DCK: variants seen among roughly 807,000 people sequenced by gnomAD.
DCK encodes deoxyadenosine kinase.
In DCK, 23 loss-of-function variants were observed where a neutral mutation model predicts 38.3. The observed-to-expected ratio is 0.60, with a 90% CI of 0.43 to 0.85. The LOEUF (loss-of-function observed/expected upper bound fraction) is 0.85. Among genes scored for constraint, DCK ranks in the 40% least tolerant of loss-of-function variants. The pLI, the probability that DCK is intolerant of heterozygous loss-of-function variation, is 0.00. For missense variants in DCK, 259 were observed against 304.4 expected (o/e 0.85, Z 1.11); for synonymous variants, 108 against 100.6 (o/e 1.07, Z -0.44).
intron 6 of DCK, 86 bp downstream of exon 6, chr4:71,026,841 G>T (rs938926536): frequency 1.5e-4 from 100 of 674,512 alleles, no homozygotes; most frequent in Non-Finnish European, 2.0e-4. Context: ...TAACAGAAAA[G>T]CTTCCATAAA....
In DCK at chr4:71,020,232, C is replaced by G. The variant is rs377449218; in HGVS notation, c.208-2135C>G. On this transcript the variant is annotated intron_variant, in intron 2 of 6. Coordinates refer to ENST00000286648, the MANE Select transcript of DCK (RefSeq NM_000788.3). ...CTCTGGTAAAATTTAACATGTTTTT[C>G]AGTTCTCTGTATTTCCAGTAAATTT... 8.0e-4 allele frequency among the ~76,000 whole-genome samples: 122 copies of G among 152,184 alleles called. 2 individuals are homozygous for G. The highest frequency in any genetic ancestry group is 2.8e-3 in the African/African-American group (117 of 41,536).
intron 2 of DCK, among the ~76,000 whole-genome samples, chr4:71,002,221 G>A (rs977774583): frequency 8.5e-5 from 13 of 152,080 alleles, no homozygotes; most frequent in Non-Finnish European, 1.8e-4. Context: ...CCCTAATTTC[G>A]TTATTTACCC....
intron 5 of DCK, 37 bp downstream of exon 5, chr4:71,025,968 C>T: frequency 6.8e-7 from 1 of 1,474,076 alleles, no homozygotes; most frequent in Non-Finnish European, 9.0e-7. Flanking sequence ...ATTTTAAATA[C>T]CTTTGTTACC....
intron 2 of DCK, among the ~76,000 whole-genome samples, chr4:71,017,004 G>A (rs569300196): frequency 1.1e-3 from 171 of 152,236 alleles, no homozygotes; most frequent in African/African-American, 4.0e-3. Flanking sequence ...GCAACCTACA[G>A]AATGGGAGAA....
At chr4:71,000,948 C>A (rs913965288) in intron 2 of DCK, among the ~76,000 whole-genome samples, 8 of 152,098 alleles carry the variant, frequency 5.3e-5, no homozygotes, top group Non-Finnish European at 1.0e-4. Flanking sequence ...AATATACAGT[C>A]ATCATCTGCA....
At chr4:71,003,214 G>A (rs1260506141) in intron 2 of DCK, among the ~76,000 whole-genome samples, 1 of 152,104 alleles carries the variant, frequency 6.6e-6, no homozygotes, top group Non-Finnish European at 1.5e-5. Context: ...CTTCACTTAT[G>A]AAGCTTAGTT....
chr4:71,027,234 G>A (rs745414045), intron 6 of DCK, among the ~76,000 whole-genome samples: 1 of 152,012 alleles, frequency 6.6e-6, no homozygotes, highest in South Asian at 2.1e-4. Flanking sequence ...TACAGGATAT[G>A]GATCTCATCT....
chr4:70,994,079 A>C (rs1460547919), intron 1 of DCK, 153 bp downstream of exon 1: 2 of 662,390 alleles, frequency 3.0e-6, no homozygotes, highest in Non-Finnish European at 5.4e-6. Flanking sequence ...TCCCACCCAG[A>C]GCATCCTTCC....
At chr4:71,001,611 G>T (rs545512494) in intron 2 of DCK, among the ~76,000 whole-genome samples, 5 of 152,226 alleles carry the variant, frequency 3.3e-5, no homozygotes, top group Non-Finnish European at 7.4e-5. Flanking sequence ...GAATCCATCT[G>T]GTCCTGGGCT....
intron 6 of DCK, among the ~76,000 whole-genome samples, chr4:71,027,007 T>C (rs1302172750): frequency 4.6e-5 from 7 of 151,864 alleles, no homozygotes; most frequent in Admixed American, 1.3e-4. Flanking sequence ...TAAATAAAAA[T>C]AAAATAAGGA....
At chr4:71,013,750 C>T (rs189919249) in intron 2 of DCK, among the ~76,000 whole-genome samples, 68 of 152,224 alleles carry the variant, frequency 4.5e-4, no homozygotes, top group African/African-American at 1.4e-3. Context: ...ACAAGAGCTC[C>T]GGAAGGAAGC....
chr4:71,008,501 G>A (rs182892914), intron 2 of DCK, among the ~76,000 whole-genome samples: 28 of 152,166 alleles, frequency 1.8e-4, no homozygotes, highest in African/African-American at 5.8e-4. Context: ...GTAGCTTTTC[G>A]CTGAAGTACC....
intron 2 of DCK, among the ~76,000 whole-genome samples, chr4:71,011,196 G>A (rs1217648091): frequency 1.4e-5 from 2 of 146,546 alleles, no homozygotes; most frequent in Non-Finnish European, 3.0e-5. Context: ...ACCCATCTCA[G>A]CCTCCCAAAG....
intron 2 of DCK, among the ~76,000 whole-genome samples, chr4:71,006,588 G>A (rs1024330659): frequency 6.6e-6 from 1 of 152,040 alleles, no homozygotes; most frequent in Admixed American, 6.6e-5. Flanking sequence ...CCAGAGGATC[G>A]CTTGAGCCCA....
rs1188881739 is a variant in DCK, at chr4:70,993,792, G to C, written c.-44G>C. The C allele has an allele frequency of 5.5e-6, 8 of 1,452,532 alleles. No homozygotes were observed. The highest frequency in any genetic ancestry group is 1.8e-5 in the Admixed American group (1 of 56,720). The allele number at this position is 1,452,532 out of a possible 1,614,324, so 90.0% of individuals were successfully genotyped here. The stretch of plus-strand genomic sequence containing the variant: ...TGCGCGCACCCGTGGCCGCCTCCCA[G>C]CCCTCTTTGCCGGACGAGCTCTGGG... On this transcript the variant is annotated 5_prime_UTR_variant, in exon 1 of 7. Transcript: ENST00000286648.
At position 71,012,604 on chromosome 4, in the gene DCK, T is replaced by G. The variant is rs981116136; in HGVS notation, c.208-9763T>G. ...ACGATCAGGCAGCAACAATTGCTGT[T>G]CAGCAGTATTCGCTGTTCTGCAGCC... is the stretch of plus-strand genomic sequence containing the variant. On this transcript the variant is annotated intron_variant, in intron 2 of 6. Transcript: ENST00000286648. Among the ~76,000 whole-genome samples the G allele has an allele frequency of 3.3e-5, 5 of 152,308 alleles. No individual in the cohort carries two copies. The South Asian group carries it at 1.0e-3, about 32-fold the overall frequency.
At chr4:71,018,267 C>T (rs534017190) in intron 2 of DCK, among the ~76,000 whole-genome samples, 6 of 151,880 alleles carry the variant, frequency 4.0e-5, no homozygotes, top group Admixed American at 3.9e-4. Flanking sequence ...GCTGAGACTA[C>T]AGGCGCCTGC....
At chr4:71,020,469 A>G (rs544638756) in intron 2 of DCK, among the ~76,000 whole-genome samples, 53 of 152,308 alleles carry the variant, frequency 3.5e-4, no homozygotes, top group Middle Eastern at 3.4e-3. Flanking sequence ...GCCTCATTGC[A>G]GTATATTAGT....
At chr4:71,003,978 C>T (rs557158172) in intron 2 of DCK, among the ~76,000 whole-genome samples, 1 of 152,326 alleles carries the variant, frequency 6.6e-6, no homozygotes, top group East Asian at 1.9e-4. Context: ...CACTTATTCT[C>T]CATCCAGCTT....
Sources: gnomAD v4.1 joint callset for allele counts (sites outside exome capture counted in the v4.1 genomes callset) on GRCh38, gnomAD v4.1.1 for gene constraint, MANE v1.5 for transcripts, NCBI Gene and HGNC (gene_info 2026-07-23, HGNC 2026-07-21) for gene names.